Variants in COL23A1 observed in about 807,000 individuals in gnomAD.
COL23A1 encodes the protein collagen alpha-1(XXIII) chain.
In COL23A1, 97 loss-of-function variants were observed where a neutral mutation model predicts 99.3. The ratio of observed to expected loss-of-function variants is 0.98; its 90% CI spans 0.83 to 1.16. The LOEUF is 1.16. COL23A1 is among the 50% of genes most tolerant of loss of function. The pLI is 0.00. For missense variants in COL23A1, 762 were observed against 757.4 expected, an observed-to-expected ratio of 1.01 and a Z score of -0.07; for synonymous variants, 320 against 308.2, an observed-to-expected ratio of 1.04 and a Z score of -0.40.
intron 2 of COL23A1, among the ~76,000 whole-genome samples, chr5:178,480,107 G>C (rs575313777): frequency 1.2e-4 from 18 of 149,872 alleles, no homozygotes; most frequent in Admixed American, 1.1e-3. Context: ...GCCCACTGTT[G>C]ACCAACATGT....
At chr5:178,458,733 T>C (rs1755944568) in intron 2 of COL23A1, among the ~76,000 whole-genome samples, 1 of 152,056 alleles carries the variant, frequency 6.6e-6, no homozygotes, top group African/African-American at 2.4e-5. Context: ...ACCATTATTT[T>C]ACAAATCCTT....
intron 1 of COL23A1, among the ~76,000 whole-genome samples, chr5:178,573,311 G>A (rs1355712434): frequency 1.3e-5 from 2 of 152,236 alleles, no homozygotes; most frequent in Admixed American, 1.3e-4. Context: ...GCATCACACT[G>A]AGCCTCAGGT....
At chr5:178,286,420 C>T (rs1160773075) in intron 5 of COL23A1, among the ~76,000 whole-genome samples, 1 of 152,136 alleles carries the variant, frequency 6.6e-6, no homozygotes, top group Admixed American at 6.5e-5. Flanking sequence ...CACAGCGCCC[C>T]TTCTCCAGGC....
rs151173868 is a variant in COL23A1, at chr5:178,415,008, C to T, written c.362-108089G>A. ...AGAGCCAGAAATGGCACCCAAAATG[C>T]AGCTGCTGCTGACCTGCCTCTCTGC... On this transcript the variant is annotated intron_variant, in intron 2 of 28. Transcript: ENST00000390654. The surrounding 1 kb of genome is among the most constrained non-coding windows in gnomAD (Gnocchi z 4.6). Among the ~76,000 whole-genome samples the T allele has an allele frequency of 2.2e-3, 342 of 152,292 alleles. 1 individual carries two copies. The highest frequency in any genetic ancestry group is 7.9e-3 in the African/African-American group (328 of 41,550).
chr5:178,553,361 T>C (rs1762109512), intron 2 of COL23A1, among the ~76,000 whole-genome samples: 1 of 152,198 alleles, frequency 6.6e-6, no homozygotes, highest in Non-Finnish European at 1.5e-5. Flanking sequence ...CATTGTGCTT[T>C]CTACGGTCCT....
chr5:178,503,006 AG>A (rs1396725149), intron 2 of COL23A1, among the ~76,000 whole-genome samples: 1 of 152,270 alleles, frequency 6.6e-6, no homozygotes, highest in African/African-American at 2.4e-5. Context: ...GAGCACAGTC[AG>A]GAACGTTAGA....
At chr5:178,273,345 G>C (rs1243938642) in intron 5 of COL23A1, among the ~76,000 whole-genome samples, 4 of 152,238 alleles carry the variant, frequency 2.6e-5, no homozygotes, top group Admixed American at 2.6e-4. Flanking sequence ...GTCAAGCTAG[G>C]ACTGTTCCTG....
At chr5:178,403,310 T>C (rs1163220428) in intron 2 of COL23A1, among the ~76,000 whole-genome samples, 1 of 152,186 alleles carries the variant, frequency 6.6e-6, no homozygotes, top group Non-Finnish European at 1.5e-5. Flanking sequence ...CCCAAGGTCA[T>C]GCACCCAGCA....
At chr5:178,370,691 T>G (rs1367093718) in intron 2 of COL23A1, among the ~76,000 whole-genome samples, 2 of 152,134 alleles carry the variant, frequency 1.3e-5, no homozygotes, top group East Asian at 3.8e-4. Context: ...AGACCCTATC[T>G]CTCTTGAAAA....
At chr5:178,467,979 C>T (rs1756514021) in intron 2 of COL23A1, among the ~76,000 whole-genome samples, 1 of 152,148 alleles carries the variant, frequency 6.6e-6, no homozygotes, top group African/African-American at 2.4e-5. Context: ...CTCCTGACAC[C>T]ACTGAGAAGG....
chr5:178,255,363 C>T lies in COL23A1; in HGVS notation c.883-337G>A, dbSNP rs1765247151. Among the ~76,000 whole-genome samples, 2 of 152,212 alleles carry T rather than the reference C, an allele frequency of 1.3e-5. No individual in the cohort carries two copies. Among genetic ancestry groups the T allele is most frequent in the African/African-American group, 4.8e-5 (2 of 41,442 alleles). On this transcript the variant is annotated intron_variant, in intron 15 of 28. Transcript: ENST00000390654. The surrounding 1 kb of genome is among the most constrained non-coding windows in gnomAD (Gnocchi z 4.2). ...ATGTTGGCAACAAACAGAAAAGCCC[C>T]AAACCCTCCAAAACACAAAGACATG...
At chr5:178,550,266 T>C (rs1031728259) in intron 2 of COL23A1, among the ~76,000 whole-genome samples, 1 of 152,240 alleles carries the variant, frequency 6.6e-6, no homozygotes, top group Admixed American at 6.5e-5. Context: ...GCTTAAAATG[T>C]TCAAGGAAAT....
intron 2 of COL23A1, among the ~76,000 whole-genome samples, chr5:178,520,080 G>A (rs1759853873): frequency 6.6e-6 from 1 of 152,180 alleles, no homozygotes; most frequent in Admixed American, 6.5e-5. Context: ...TGGATGGATA[G>A]ATGGAGGATG....
At chr5:178,527,313 C>T (rs192493713) in intron 2 of COL23A1, among the ~76,000 whole-genome samples, 3 of 152,288 alleles carry the variant, frequency 2.0e-5, no homozygotes, top group Non-Finnish European at 2.9e-5. Flanking sequence ...GTGAAGGAGC[C>T]GGGGTCTAGA....
At chr5:178,282,008 T>TGC (rs1756925114) in intron 5 of COL23A1, among the ~76,000 whole-genome samples, 1 of 137,138 alleles carries the variant, frequency 7.3e-6, no homozygotes. Flanking sequence ...GCCGAGATCA[T>TGC]GCCACTGCAC....
At position 178,280,068 on chromosome 5, in the gene COL23A1, A is replaced by T. The variant is rs963764884; in HGVS notation, c.441+8256T>A. Among the ~76,000 whole-genome samples, 1 of 152,260 alleles carries T rather than the reference A, an allele frequency of 6.6e-6. No individual in the cohort carries two copies. Among genetic ancestry groups the T allele is most frequent in the Non-Finnish European group, 1.5e-5 (1 of 68,038 alleles). On this transcript the variant is annotated intron_variant, in intron 5 of 28. Transcript: ENST00000390654. This position sits in a 1 kb window ranked among gnomAD's most constrained non-coding sequence, Gnocchi z 4.9. ...CAGTAAATACCCGCTGAATGGATCAACAACGGTGAAGGGAACGATTCTCTG... is the reference window on the plus strand; with the variant it reads ...CAGTAAATACCCGCTGAATGGATCATCAACGGTGAAGGGAACGATTCTCTG...
chr5:178,278,746 C>A (rs1286232853), intron 5 of COL23A1, among the ~76,000 whole-genome samples: 2 of 152,202 alleles, frequency 1.3e-5, no homozygotes, highest in African/African-American at 4.8e-5. Flanking sequence ...TGAGGTCCTG[C>A]CCCGTAGACC....
At chr5:178,514,971 T>C (rs1759422407) in intron 2 of COL23A1, among the ~76,000 whole-genome samples, 1 of 152,210 alleles carries the variant, frequency 6.6e-6, no homozygotes, top group African/African-American at 2.4e-5. Context: ...CAACTTATAT[T>C]TAGAGCTATT....
intron 2 of COL23A1, among the ~76,000 whole-genome samples, chr5:178,495,951 T>C (rs1430510728): frequency 6.6e-6 from 1 of 152,116 alleles, no homozygotes; most frequent in African/African-American, 2.4e-5. Flanking sequence ...GGAAGTAACT[T>C]TGCTGAAATA....
Sources: allele counts gnomAD v4.1 joint callset (sites outside exome capture counted in the v4.1 genomes callset), GRCh38; gene constraint gnomAD v4.1.1; non-coding constraint Gnocchi (gnomAD v3.1); transcripts MANE v1.5; gene names NCBI Gene and HGNC (gene_info 2026-07-23, HGNC 2026-07-21).